TENM2: variants seen among roughly 807,000 people sequenced by gnomAD.
The protein encoded by TENM2 is teneurin-2.
A neutral mutation model predicts 245.2 loss-of-function variants in TENM2; 52 were observed. The observed-to-expected ratio is 0.21, with a 90% confidence interval of 0.17 to 0.27. TENM2 has a LOEUF of 0.27. TENM2 is among the 10% of genes least tolerant of loss of function. The pLI, the probability that TENM2 is intolerant of heterozygous loss-of-function variation, is 1.00. For missense variants in TENM2, 3,046 were observed against 3,666.8 expected, an observed-to-expected ratio of 0.83 and a Z score of 4.37; for synonymous variants, 1,363 against 1,438.9, an observed-to-expected ratio of 0.95 and a Z score of 1.19.
chr5:168,035,622 A>G (rs1787596193), intron 5 of TENM2, among the ~76,000 whole-genome samples: 1 of 152,196 alleles, frequency 6.6e-6, no homozygotes, highest in Non-Finnish European at 1.5e-5. Context: ...ATTTCAGAAG[A>G]GACCCAACTT....
At chr5:167,328,630 A>G (rs2127785741) in intron 1 of TENM2, among the ~76,000 whole-genome samples, 1 of 152,266 alleles carries the variant, frequency 6.6e-6, no homozygotes, top group African/African-American at 2.4e-5. Context: ...CCAGCATTCA[A>G]ATAAAATAAT....
At chr5:167,474,557 A>T (rs1369826307) in intron 2 of TENM2, among the ~76,000 whole-genome samples, 1 of 149,306 alleles carries the variant, frequency 6.7e-6, no homozygotes, top group Non-Finnish European at 1.5e-5. Context: ...TCTGTCGCCC[A>T]GGCTGGAGTG....
intron 1 of TENM2, among the ~76,000 whole-genome samples, chr5:167,342,578 A>G (rs865899385): frequency 2.5e-4 from 29 of 117,512 alleles, no homozygotes; most frequent in Admixed American, 2.1e-3. Flanking sequence ...CGGACTGCGG[A>G]CTGCAGTGGC....
chr5:167,036,348 C>T, the TENM2 span, among the ~76,000 whole-genome samples: 2 of 152,144 alleles, frequency 1.3e-5, no homozygotes, highest in African/African-American at 4.8e-5. Context: ...AGGTGAGGAC[C>T]ACGCTATTTC....
At chr5:167,251,212 G>T in the TENM2 span, among the ~76,000 whole-genome samples, 4 of 152,070 alleles carry the variant, frequency 2.6e-5, no homozygotes, top group Non-Finnish European at 5.9e-5. Context: ...CTCACAAAGC[G>T]CTGGAAGAAC....
chr5:167,990,825 G>T (rs1580986295), intron 4 of TENM2, among the ~76,000 whole-genome samples: 1 of 152,110 alleles, frequency 6.6e-6, no homozygotes, highest in Non-Finnish European at 1.5e-5. Flanking sequence ...CTCTGTGAAG[G>T]ATTAAAATAC....
chr5:167,360,844 C>A (rs557782455), intron 1 of TENM2, among the ~76,000 whole-genome samples: 5 of 152,112 alleles, frequency 3.3e-5, no homozygotes, highest in African/African-American at 1.2e-4. Context: ...TGCGTACTAT[C>A]AAACCATAAG....
chr5:167,839,594 G>C (rs1463043523), intron 2 of TENM2, among the ~76,000 whole-genome samples: 1 of 151,932 alleles, frequency 6.6e-6, no homozygotes. Context: ...TGTGTTTAAA[G>C]AATGGAGACC....
chr5:167,894,955 AAG>A (rs1295923057), intron 3 of TENM2, among the ~76,000 whole-genome samples: 13 of 126,684 alleles, frequency 1.0e-4, no homozygotes, highest in Admixed American at 3.1e-4. Flanking sequence ...GGAAGGAAGG[AAG>A]GAAGGAAGGA....
chr5:167,797,049 T>C (rs1371347957), intron 2 of TENM2, among the ~76,000 whole-genome samples: 1 of 152,092 alleles, frequency 6.6e-6, no homozygotes, highest in East Asian at 1.9e-4. Flanking sequence ...TTGAATACCA[T>C]CCAGATAAGT....
chr5:168,228,892 T>G (rs1337244428), intron 25 of TENM2, among the ~76,000 whole-genome samples: 1 of 148,038 alleles, frequency 6.8e-6, no homozygotes, highest in African/African-American at 2.5e-5. Flanking sequence ...TAATTTTATA[T>G]TACATTTTTA....
At chr5:166,988,981 T>C in the TENM2 span, among the ~76,000 whole-genome samples, 2 of 152,196 alleles carry the variant, frequency 1.3e-5, no homozygotes, top group Non-Finnish European at 2.9e-5. Flanking sequence ...ATGTATTATA[T>C]AATAAGAACC....
intron 4 of TENM2, among the ~76,000 whole-genome samples, chr5:167,959,354 C>A (rs892484823): frequency 6.6e-6 from 1 of 152,074 alleles, no homozygotes; most frequent in Non-Finnish European, 1.5e-5. Flanking sequence ...ACCACCACAC[C>A]CAGCTAATTT....
At chr5:168,104,314 C>A (rs1241243213) in intron 9 of TENM2, among the ~76,000 whole-genome samples, 1 of 152,156 alleles carries the variant, frequency 6.6e-6, no homozygotes, top group African/African-American at 2.4e-5. Context: ...CAGGTGTGAG[C>A]CACCAAGCCA....
chr5:167,982,213 T>G (rs1782896473), intron 4 of TENM2, among the ~76,000 whole-genome samples: 1 of 152,162 alleles, frequency 6.6e-6, no homozygotes, highest in Admixed American at 6.5e-5. Flanking sequence ...ATCCTCAGAC[T>G]TCTCCTCAAT....
exon 29 of TENM2, chr5:168,262,815 A>G (rs1484180615): frequency 3.8e-6 from 6 of 1,588,858 alleles, no homozygotes; most frequent in East Asian, 4.5e-5. Context: ...AGGTAACAAA[A>G]TAATCTGCTG....
intron 2 of TENM2, among the ~76,000 whole-genome samples, chr5:167,477,686 G>A (rs887293990): frequency 6.6e-6 from 1 of 152,268 alleles, no homozygotes; most frequent in Non-Finnish European, 1.5e-5. Flanking sequence ...GTTGATTGGT[G>A]AGGTTCTACT....
intron 1 of TENM2, chr5:167,308,019 C>T (rs910187016): frequency 6.6e-6 from 1 of 152,436 alleles, no homozygotes; most frequent in African/African-American, 2.4e-5. Context: ...CTTGCCTAGA[C>T]CTCTTCATCC....
At chr5:167,444,137 C>G (rs1765020848) in intron 2 of TENM2, among the ~76,000 whole-genome samples, 1 of 151,958 alleles carries the variant, frequency 6.6e-6, no homozygotes. Context: ...ATACTACGAG[C>G]CTCATATTTT....
Sources: gnomAD v4.1 joint callset for allele counts (sites outside exome capture counted in the v4.1 genomes callset) on GRCh38, gnomAD v4.1.1 for gene constraint, MANE v1.5 for transcripts, NCBI Gene and HGNC (gene_info 2026-07-23, HGNC 2026-07-21) for gene names.